Variants in HAS1 observed in about 807,000 individuals in gnomAD.
HAS1 encodes HA synthase 1.
A neutral mutation model predicts 35.0 loss-of-function variants in HAS1; 27 were observed. That is an observed-to-expected ratio of 0.77 (90% CI 0.57 to 1.06). HAS1 has a LOEUF of 1.06. HAS1 is among the 50% of genes least tolerant of loss of function. The pLI, the probability that HAS1 is intolerant of heterozygous loss-of-function variation, is 0.00. For synonymous variants in HAS1, 409 were observed against 371.2 expected (o/e 1.10, Z -1.17); for missense variants, 940 against 814.8 (o/e 1.15, Z -1.87).
intron 1 of HAS1, among the ~76,000 whole-genome samples, chr19:51,722,936 G>A (rs1000470620): frequency 5.9e-5 from 9 of 152,182 alleles, no homozygotes; most frequent in African/African-American, 1.4e-4. Flanking sequence ...TGTGGTTTTC[G>A]TTACATTTCT....
At chr19:51,722,685 A>G (rs2083639182) in intron 1 of HAS1, among the ~76,000 whole-genome samples, 1 of 152,144 alleles carries the variant, frequency 6.6e-6, no homozygotes, top group Non-Finnish European at 1.5e-5. Flanking sequence ...ATACAACCAC[A>G]TTCATTTGTT....
chr19:51,719,294 C>G lies in HAS1; in HGVS notation c.611G>C (p.Cys204Ser). Residue 204 changes from cysteine to serine, a missense_variant, in exon 2 of 5, where the codon TGC (cysteine) becomes TCC (serine). Cys to Ser is a moderately radical substitution (Grantham distance 112, BLOSUM62 -1). Coordinates refer to ENST00000540069, the MANE Select transcript of HAS1 (RefSeq NM_001297436.2). ...AVEALVRTRR[C>S]VCVAQRWGGK... is the part of the protein sequence containing the mutation. ...GCCCCAGCGCTGCGCCACGCACACG[C>G]ACCTGCGAGTCCTCACCAGCGCCTC... 6.2e-7 allele frequency: 1 copy of G among 1,612,450 alleles called. No individual in the cohort carries two copies. Among genetic ancestry groups the G allele is most frequent in the South Asian group, 1.1e-5 (1 of 90,778 alleles).
chr19:51,720,977 T>C (rs559132458), intron 1 of HAS1, among the ~76,000 whole-genome samples: 1 of 152,338 alleles, frequency 6.6e-6, no homozygotes, highest in African/African-American at 2.4e-5. Context: ...AAATGCTGTG[T>C]ACCAGTCCCT....
intron 1 of HAS1, among the ~76,000 whole-genome samples, chr19:51,722,700 C>A (rs757358912): frequency 6.6e-6 from 1 of 152,176 alleles, no homozygotes; most frequent in Non-Finnish European, 1.5e-5. Flanking sequence ...TTTGTTTATA[C>A]ATCATCTGTG....
chr19:51,714,224 C>A, intron 4 of HAS1, 122 bp from the exon 5 acceptor site: 1 of 1,439,928 alleles, frequency 6.9e-7, no homozygotes, highest in Non-Finnish European at 9.3e-7. Context: ...CTCTCTAGGC[C>A]TCAGTGTTCT....
At position 51,714,060 on chromosome 19, in the gene HAS1, G is replaced by T; in HGVS notation, c.1101C>A (p.Ser367=). ...RSRCYSETPS[S]FLRWLSQQTR... is the part of the protein sequence containing the mutation. ...TCTGCTGGCTCAGCCACCGCAGGAA[G>T]GACGAGGGCGTCTCTGAGTAGCAGC... is the stretch of plus-strand genomic sequence containing the variant. The change falls in exon 5 of 5, where the codon TCC becomes TCA. Residue 367 remains serine (S), a synonymous_variant. Coordinates refer to ENST00000540069, the MANE Select transcript of HAS1 (RefSeq NM_001297436.2). The T allele has an allele frequency of 6.2e-7, 1 of 1,613,740 alleles. No individual in the cohort carries two copies. Among genetic ancestry groups the T allele is most frequent in the Non-Finnish European group, 8.5e-7 (1 of 1,179,908 alleles).
At chr19:51,723,774 A>G (rs2083646697) in intron 1 of HAS1, 151 bp downstream of exon 1, 1 of 774,128 alleles carries the variant, frequency 1.3e-6, no homozygotes, top group Non-Finnish European at 2.0e-6. Context: ...TGTCCCCTAC[A>G]CACATATGGT....
Position 51,713,978 on chromosome 19 carries a change from G to A in HAS1, c.1183C>T (p.Arg395Trp), listed in dbSNP as rs140592950. The A allele has an allele frequency of 4.3e-4, 701 of 1,613,150 alleles. 6 individuals carry two copies. The highest frequency in any genetic ancestry group is 7.8e-5 in the Non-Finnish European group (92 of 1,179,922). ...TCGTAGGTCATCCACGCATGGTGCC[G>A]GTGCCACCAGAGCGCGTTGTACAGC... Reference protein sequence around the residue: ...EWLYNALWWHRHHAWMTYEAV... With the variant: ...EWLYNALWWHWHHAWMTYEAV... Residue 395 changes from arginine (R) to tryptophan (W), a missense_variant, in exon 5 of 5, where the codon CGG becomes TGG. Arg to Trp is a moderately radical substitution (Grantham distance 101). Transcript: ENST00000540069. The surrounding 1 kb of genome is among the most constrained non-coding windows in gnomAD (Gnocchi z 4.5).
intron 1 of HAS1, among the ~76,000 whole-genome samples, chr19:51,723,658 G>A (rs1238331141): frequency 6.6e-6 from 1 of 152,064 alleles, no homozygotes; most frequent in Non-Finnish European, 1.5e-5. Flanking sequence ...AAGATACGCA[G>A]ATACAGAAAT....
chr19:51,714,086 G>C lies in HAS1; in HGVS notation c.1075C>G (p.Arg359Gly). 1.9e-6 allele frequency: 3 copies of C among 1,612,430 alleles called. No homozygotes were observed. The highest frequency in any genetic ancestry group is 2.5e-6 in the Non-Finnish European group (3 of 1,179,404). Residue 359 changes from arginine (R) to glycine (G), a missense_variant, in exon 5 of 5, where the codon CGC becomes GGC. By Grantham distance (125) the Arg-to-Gly change is moderately radical. Transcript: ENST00000540069. ...GYATKYTSRS[R>G]CYSETPSSFL... The stretch of plus-strand genomic sequence containing the variant: ...GACGAGGGCGTCTCTGAGTAGCAGC[G>C]GGACCTGGAGGTGTACCTGCACGGG...
chr19:51,713,684 G>A lies in HAS1; in HGVS notation c.1477C>T (p.Arg493Trp), dbSNP rs113145387. Residue 493 changes from arginine (R) to tryptophan (W), a missense_variant, in exon 5 of 5, where the codon CGG becomes TGG. Physicochemically the swap from Arg to Trp is moderately radical, Grantham distance 101. Transcript: ENST00000540069. The surrounding 1 kb of genome is among the most constrained non-coding windows in gnomAD (Gnocchi z 4.5). Reference sequence around the variant, plus strand: ...GGGACGTAGTTAGCGGCCAGCTTCCGCCGGCCCGAGGTGCCCCAGCCACTC... The same window carrying A: ...GGGACGTAGTTAGCGGCCAGCTTCCACCGGCCCGAGGTGCCCCAGCCACTC... ...NQSGWGTSGR[R>W]KLAANYVPLL... The A allele has an allele frequency of 1.3e-6, 2 of 1,588,128 alleles. No individual in the cohort carries two copies. The highest frequency in any genetic ancestry group is 1.1e-5 in the South Asian group (1 of 88,200).
chr19:51,713,337 G>A lies in HAS1; in HGVS notation c.*90C>T. 3.1e-6 allele frequency: 4 copies of A among 1,281,854 alleles called. No individual in the cohort carries two copies. In the South Asian group the frequency reaches 7.1e-5, roughly 23 times the overall value. 79.4% of individuals were successfully genotyped at this position (1,281,854 alleles called of 1,614,324 possible). A position where few individuals can be genotyped will look rare whatever the true frequency, so the allele number is the denominator to read the frequency against. On this transcript the variant is annotated 3_prime_UTR_variant, in exon 5 of 5. Transcript: ENST00000540069. The surrounding 1 kb of genome is among the most constrained non-coding windows in gnomAD (Gnocchi z 4.5). ...CAGAGGAGGGAAACTGAGGCCCAGAGAACCACCCAGCAAGTTCGTGGCTCG... is the reference window on the plus strand; with the variant it reads ...CAGAGGAGGGAAACTGAGGCCCAGAAAACCACCCAGCAAGTTCGTGGCTCG...
intron 4 of HAS1, among the ~76,000 whole-genome samples, chr19:51,714,330 TCAAGAC>T (rs2083569338): frequency 6.6e-6 from 1 of 150,486 alleles, no homozygotes; most frequent in Non-Finnish European, 1.5e-5. Context: ...GATAAGGAGT[TCAAGAC>T]CAGCCTGGGC....
intron 1 of HAS1, among the ~76,000 whole-genome samples, chr19:51,722,815 G>T (rs887321245): frequency 1.3e-5 from 2 of 152,100 alleles, no homozygotes; most frequent in African/African-American, 4.8e-5. Flanking sequence ...TTAAAAAAAT[G>T]TGCTGGCCCC....
At chr19:51,715,751 T>C (rs1283901045) in intron 4 of HAS1, among the ~76,000 whole-genome samples, 3 of 152,328 alleles carry the variant, frequency 2.0e-5, no homozygotes, top group African/African-American at 7.2e-5. Context: ...CTGAGTCTCA[T>C]GGAATTACTT....
chr19:51,717,130 C>G lies in HAS1; in HGVS notation c.763G>C (p.Glu255Gln), dbSNP rs759007645. The change falls in exon 3 of 5, where the codon GAG (glutamate) becomes CAG (glutamine). Residue 255 changes from glutamate (E) to glutamine (Q), a missense_variant. Glu to Gln is a conservative substitution (Grantham distance 29, BLOSUM62 2). Coordinates refer to ENST00000540069, the MANE Select transcript of HAS1 (RefSeq NM_001297436.2). ...CCAACAGCCCCTACCCGGGGGTCCT[C>G]GTCCAGTACCCGCACGAGCTCCAGC... ...ALLELVRVLD[E>Q]DPRVGAVGGD... The G allele has an allele frequency of 6.2e-7, 1 of 1,613,876 alleles. No individual in the cohort carries two copies. The highest frequency in any genetic ancestry group is 8.5e-7 in the Non-Finnish European group (1 of 1,179,956).
At chr19:51,717,878 C>T (rs4802851) in intron 2 of HAS1, among the ~76,000 whole-genome samples, 60,699 of 152,026 alleles carry the variant, frequency 0.4, 12,267 homozygotes, top group Middle Eastern at 0.52. Context: ...AAATGTGTTT[C>T]GTTCAAGCTG....
At position 51,713,851 on chromosome 19, in the gene HAS1, A is replaced by C; in HGVS notation, c.1310T>G (p.Val437Gly). The C allele has an allele frequency of 6.2e-7, 1 of 1,607,280 alleles. No homozygotes were observed. The highest frequency in any genetic ancestry group is 8.5e-7 in the Non-Finnish European group (1 of 1,179,448). Residue 437 changes from valine to glycine, a missense_variant, in exon 5 of 5, where the codon GTG (valine) becomes GGG (glycine). Physicochemically the swap from Val to Gly is moderately radical, Grantham distance 109. Transcript: ENST00000540069. This position sits in a 1 kb window ranked among gnomAD's most constrained non-coding sequence, Gnocchi z 4.5. Reference protein sequence around the residue: ...PWALLWVLLCVQGVALAKAAF... With the variant: ...PWALLWVLLCGQGVALAKAAF... ...CGCCTTGGCCAGTGCCACGCCCTGC[A>C]CGCACAGCAGCACCCACAGCAGCGC...
chr19:51,713,268 A>G lies in HAS1; in HGVS notation c.*159T>C. On this transcript the variant is annotated 3_prime_UTR_variant, in exon 5 of 5. Transcript: ENST00000540069. This position sits in a 1 kb window ranked among gnomAD's most constrained non-coding sequence, Gnocchi z 4.5. ...TGGAGACCCAGAAGTCCCAGTCCCA[A>G]TATAGTCCAGACTGAAGAATCTTGG... The G allele has an allele frequency of 1.5e-6, 1 of 653,740 alleles. No homozygotes were observed. 40.5% of individuals were successfully genotyped at this position (653,740 alleles called of 1,614,324 possible).
Sources: allele counts gnomAD v4.1 joint callset (sites outside exome capture counted in the v4.1 genomes callset), GRCh38; gene constraint gnomAD v4.1.1; non-coding constraint Gnocchi (gnomAD v3.1); transcripts MANE v1.5; gene names NCBI Gene and HGNC (gene_info 2026-07-23, HGNC 2026-07-21).